The following DOCK2 variants were observed in gnomAD, a reference collection of about 807,000 sequenced individuals.
The protein encoded by DOCK2 is dedicator of cytokinesis protein 2.
Under a neutral mutation model 248.9 loss-of-function variants are expected in DOCK2, and 87 were observed. The ratio of observed to expected loss-of-function variants is 0.35; its 90% confidence interval spans 0.29 to 0.42. The LOEUF is 0.42. Ranked by LOEUF, DOCK2 falls within the 10% of genes least tolerant of loss-of-function variation. The pLI is 1.00. For synonymous variants in DOCK2, 805 were observed against 821.6 expected (o/e 0.98, Z 0.35); for missense variants, 1,747 against 2,300.2 (o/e 0.76, Z 4.92).
chr5:169,641,497 A>C (rs1757150229), intron 1 of DOCK2, among the ~76,000 whole-genome samples: 2 of 152,204 alleles, frequency 1.3e-5, no homozygotes, highest in Non-Finnish European at 2.9e-5. Context: ...TTTTTGTTGA[A>C]GGGAACAAAA....
At chr5:169,818,361 G>C (rs2113220848) in intron 26 of DOCK2, among the ~76,000 whole-genome samples, 1 of 152,298 alleles carries the variant, frequency 6.6e-6, no homozygotes, top group Middle Eastern at 3.4e-3. Flanking sequence ...TTATTGAGCA[G>C]TCAATAAGTA....
intron 32 of DOCK2, 107 bp from the exon 33 acceptor site, chr5:170,018,853 T>C: frequency 1.4e-6 from 2 of 1,389,894 alleles, no homozygotes; most frequent in Non-Finnish European, 2.0e-6. Context: ...TGTTAACTAT[T>C]GTTTTTACTA....
At chr5:169,648,739 A>G (rs1464150241) in intron 1 of DOCK2, among the ~76,000 whole-genome samples, 2 of 152,226 alleles carry the variant, frequency 1.3e-5, no homozygotes, top group African/African-American at 4.8e-5. Context: ...AGAACTGCAG[A>G]TTCACGATGA....
intron 3 of DOCK2, among the ~76,000 whole-genome samples, chr5:169,670,046 C>T (rs962245518): frequency 7.2e-5 from 11 of 152,212 alleles, no homozygotes; most frequent in African/African-American, 2.7e-4. Context: ...GGTCTCAAAT[C>T]GAACTAGCCC....
At chr5:169,830,394 C>A (rs1769147110) in intron 26 of DOCK2, among the ~76,000 whole-genome samples, 1 of 152,148 alleles carries the variant, frequency 6.6e-6, no homozygotes, top group Non-Finnish European at 1.5e-5. Flanking sequence ...GGGTTCTTGT[C>A]AAGACTCATT....
rs1196964571 is a variant in DOCK2, at chr5:169,702,334, C to T, written c.1290C>T (p.Leu430=). 1 of 1,613,982 alleles carries T rather than the reference C, an allele frequency of 6.2e-7. No individual in the cohort carries two copies. Among genetic ancestry groups the T allele is most frequent in the South Asian group, 1.1e-5 (1 of 91,084 alleles). Residue 430 remains leucine, a synonymous_variant, in exon 14 of 52, where the codon CTC becomes CTT. Transcript: ENST00000520908. ...GDVRNDIYIT[L]LQGDFDKYNK... is the part of the protein sequence containing the mutation. ...TCAGGAACGACATCTACATTACTCTCTTACAAGGTGACTTTGACAAGTACA... is the reference window on the plus strand; with the variant it reads ...TCAGGAACGACATCTACATTACTCTTTTACAAGGTGACTTTGACAAGTACA...
chr5:169,838,192 A>G (rs925182829), intron 26 of DOCK2, among the ~76,000 whole-genome samples: 1 of 152,156 alleles, frequency 6.6e-6, no homozygotes, highest in South Asian at 2.1e-4. Context: ...TGGAAGGTGG[A>G]TGATGAAACC....
chr5:169,885,289 C>T (rs1772909599), intron 27 of DOCK2, among the ~76,000 whole-genome samples: 1 of 152,238 alleles, frequency 6.6e-6, no homozygotes, highest in Non-Finnish European at 1.5e-5. Flanking sequence ...GGAACCATCT[C>T]ATTCACTGCT....
At chr5:169,780,098 G>A (rs1019870529) in intron 25 of DOCK2, among the ~76,000 whole-genome samples, 1 of 152,066 alleles carries the variant, frequency 6.6e-6, no homozygotes, top group African/African-American at 2.4e-5. Flanking sequence ...CCATGGCTTT[G>A]GCCTTGATCC....
intron 27 of DOCK2, among the ~76,000 whole-genome samples, chr5:169,961,378 C>T (rs1777080294): frequency 6.6e-6 from 1 of 152,248 alleles, no homozygotes; most frequent in South Asian, 2.1e-4. Flanking sequence ...TCTTGCCTTG[C>T]ATCAGGGGAA....
chr5:169,694,146 C>T (rs1760467210), intron 9 of DOCK2, among the ~76,000 whole-genome samples: 2 of 152,228 alleles, frequency 1.3e-5, no homozygotes, highest in Non-Finnish European at 2.9e-5. Context: ...CTCCCTTCCT[C>T]CTATACCAGC....
At position 169,699,433 on chromosome 5, in the gene DOCK2, C is replaced by T. The variant is rs762640096; in HGVS notation, c.1107C>T (p.Ala369=). 11 of 1,613,416 alleles carry T rather than the reference C, an allele frequency of 6.8e-6. No homozygotes were observed. The highest frequency in any genetic ancestry group is 9.3e-6 in the Non-Finnish European group (11 of 1,179,570). The stretch of plus-strand genomic sequence containing the variant: ...ACAGCCTGCTGGGCAAAGTCATAGC[C>T]TCCAAGGGGGACAGTGGAGGGCAAG... ...FLHSLLGKVI[A]SKGDSGGQGL... Residue 369 remains alanine (A), a synonymous_variant, in exon 12 of 52, where the codon GCC becomes GCT. Coordinates refer to ENST00000520908, the MANE Select transcript of DOCK2 (RefSeq NM_004946.3).
At chr5:169,707,181 G>T (rs1168600546) in intron 14 of DOCK2, among the ~76,000 whole-genome samples, 1 of 152,194 alleles carries the variant, frequency 6.6e-6, no homozygotes, top group Non-Finnish European at 1.5e-5. Context: ...CAAACGGCTG[G>T]AATGACCATA....
At chr5:170,007,666 T>C (rs1755094783) in intron 30 of DOCK2, among the ~76,000 whole-genome samples, 1 of 152,176 alleles carries the variant, frequency 6.6e-6, no homozygotes, top group African/African-American at 2.4e-5. Flanking sequence ...GGCTAATCTT[T>C]TGAGCAGTCA....
chr5:169,903,301 A>G (rs1206084829), intron 27 of DOCK2, among the ~76,000 whole-genome samples: 1 of 139,186 alleles, frequency 7.2e-6, no homozygotes, highest in Non-Finnish European at 1.6e-5. Context: ...AAAAACAACA[A>G]CAACAACAAT....
intron 22 of DOCK2, among the ~76,000 whole-genome samples, chr5:169,739,780 C>G (rs1040364975): frequency 2.0e-5 from 3 of 152,244 alleles, no homozygotes; most frequent in African/African-American, 7.2e-5. Context: ...TCTTGGCACC[C>G]AGACTTTTAT....
intron 27 of DOCK2, among the ~76,000 whole-genome samples, chr5:169,864,009 C>T (rs569939141): frequency 1.7e-4 from 26 of 152,166 alleles, no homozygotes; most frequent in Non-Finnish European, 3.4e-4. Flanking sequence ...AGCATGAGTT[C>T]TGGCTGAGTG....
chr5:169,689,446 T>C (rs1428469997), intron 9 of DOCK2, 113 bp downstream of exon 9: 4 of 1,092,080 alleles, frequency 3.7e-6, no homozygotes, highest in Non-Finnish European at 5.4e-6. Flanking sequence ...CAGAGCTGTG[T>C]TGTGGGCTCC....
chr5:169,982,987 C>T, intron 27 of DOCK2, 81 bp from the exon 28 acceptor site: 1 of 1,353,298 alleles, frequency 7.4e-7, no homozygotes, highest in Non-Finnish European at 1.1e-6. Flanking sequence ...ATGAATGAGC[C>T]ATAAGGAGAC....
Sources: allele counts gnomAD v4.1 joint callset (sites outside exome capture counted in the v4.1 genomes callset), GRCh38; gene constraint gnomAD v4.1.1; transcripts MANE v1.5; gene names NCBI Gene and HGNC (gene_info 2026-07-23, HGNC 2026-07-21).